The following CADPS2 variants were observed in gnomAD, a reference collection of about 807,000 sequenced individuals.
CADPS2 encodes the protein calcium-dependent secretion activator 2.
In CADPS2, 93 loss-of-function variants were observed where a neutral mutation model predicts 172.5. The observed-to-expected ratio is 0.54, with a 90% CI of 0.46 to 0.64. The LOEUF (loss-of-function observed/expected upper bound fraction) is 0.64. CADPS2 is among the 30% of genes least tolerant of loss of function. CADPS2 has a pLI of 0.00. For synonymous variants in CADPS2, 546 were observed against 555.2 expected (o/e 0.98, Z 0.23); for missense variants, 1,420 against 1,565.9 (o/e 0.91, Z 1.57).
rs2082435401 is a variant in CADPS2 at position 122,676,931 on chromosome 7, C to A, written c.454-13362G>T. The A allele has an allele frequency of 1.2e-5, 5 of 410,108 alleles. No individual in the cohort carries two copies. In the Admixed American group the frequency reaches 1.6e-4, roughly 13 times the overall value. The allele number at this position is 410,108 out of a possible 1,614,324, so 25.4% of individuals were successfully genotyped here. A position where few individuals can be genotyped will look rare whatever the true frequency, so the allele number is the denominator to read the frequency against. ...TGCCAGGCTTTTTATCCATCCAAGT[C>A]TCCCTCAACCTACCTTCTAGCCTTC... On this transcript the variant is annotated intron_variant, in intron 2 of 29. Coordinates refer to ENST00000449022, the MANE Select transcript of CADPS2 (RefSeq NM_017954.11).
chr7:122,559,259 C>T (rs116952379), intron 7 of CADPS2, among the ~76,000 whole-genome samples: 2 of 152,212 alleles, frequency 1.3e-5, no homozygotes, highest in Non-Finnish European at 2.9e-5. Flanking sequence ...AACACTGTAA[C>T]AGCGGCACCC....
At chr7:122,705,469 TTA>T (rs1168454121) in intron 2 of CADPS2, among the ~76,000 whole-genome samples, 13 of 133,542 alleles carry the variant, frequency 9.7e-5, no homozygotes, top group African/African-American at 2.5e-4. Context: ...ATATTATATA[TTA>T]TATATATTTA....
chr7:122,524,948 G>A (rs917660844), intron 8 of CADPS2, among the ~76,000 whole-genome samples: 5 of 152,008 alleles, frequency 3.3e-5, no homozygotes, highest in Admixed American at 3.3e-4. Flanking sequence ...AGGGGCTTGA[G>A]ACCAGCCTGG....
At chr7:122,438,691 C>T (rs930566522) in intron 16 of CADPS2, among the ~76,000 whole-genome samples, 32 of 152,132 alleles carry the variant, frequency 2.1e-4, no homozygotes, top group African/African-American at 7.5e-4. Flanking sequence ...TCCTCCTAAG[C>T]CTAATTTATG....
At chr7:122,335,640 G>C (rs2035747337) in intron 28 of CADPS2, among the ~76,000 whole-genome samples, 1 of 152,172 alleles carries the variant, frequency 6.6e-6, no homozygotes, top group African/African-American at 2.4e-5. Flanking sequence ...TAGAAGGCTT[G>C]AAAGAATCTT....
intron 2 of CADPS2, among the ~76,000 whole-genome samples, chr7:122,675,273 G>A (rs1474393938): frequency 1.3e-5 from 2 of 152,124 alleles, no homozygotes; most frequent in African/African-American, 4.8e-5. Flanking sequence ...GGAGCCCGGG[G>A]CTCCATTCTG....
chr7:122,861,926 A>T (rs1035584117), intron 1 of CADPS2, among the ~76,000 whole-genome samples: 1 of 152,248 alleles, frequency 6.6e-6, no homozygotes, highest in African/African-American at 2.4e-5. Context: ...CTGAGGGAGA[A>T]TGATTTCAAC....
intron 1 of CADPS2, among the ~76,000 whole-genome samples, chr7:122,789,434 G>T (rs572593790): frequency 6.6e-6 from 1 of 152,228 alleles, no homozygotes; most frequent in Admixed American, 6.5e-5. Flanking sequence ...GTCTTGCTTT[G>T]AAAAGCATTC....
intron 1 of CADPS2, among the ~76,000 whole-genome samples, chr7:122,745,589 G>C (rs1410783209): frequency 1.4e-5 from 2 of 147,254 alleles, no homozygotes; most frequent in Non-Finnish European, 3.0e-5. Flanking sequence ...TTTAGGATAA[G>C]AACTTGGTTT....
In CADPS2 at chr7:122,818,117, C is replaced by A. The variant is rs185832136; in HGVS notation, c.339+67882G>T. 8.0e-3 allele frequency among the ~76,000 whole-genome samples: 1,195 copies of A among 149,994 alleles called. 8 individuals are homozygous for A. Among genetic ancestry groups the A allele is most frequent in the Non-Finnish European group, 0.013 (877 of 67,668 alleles). On this transcript the variant is annotated intron_variant, in intron 1 of 29. Coordinates refer to ENST00000449022, the MANE Select transcript of CADPS2 (RefSeq NM_017954.11). ...TTTCTGGAAGGTAAGAACCCCCGAACCCCTTCCCTCCATTTCTCTACTCCC... is the reference window on the plus strand; with the variant it reads ...TTTCTGGAAGGTAAGAACCCCCGAAACCCTTCCCTCCATTTCTCTACTCCC...
At chr7:122,429,945 T>C (rs1249322634) in intron 17 of CADPS2, among the ~76,000 whole-genome samples, 1 of 152,104 alleles carries the variant, frequency 6.6e-6, no homozygotes, top group Non-Finnish European at 1.5e-5. Context: ...AGATTTTATT[T>C]ATTACTTATT....
intron 25 of CADPS2, 30 bp downstream of exon 25, chr7:122,379,338 A>C (rs1272510370): frequency 7.2e-7 from 1 of 1,398,392 alleles, no homozygotes; most frequent in East Asian, 2.3e-5. Context: ...TTTCACTTTG[A>C]TTTAAAAAGG....
chr7:122,668,275 T>C (rs561736581), intron 2 of CADPS2, among the ~76,000 whole-genome samples: 2 of 151,926 alleles, frequency 1.3e-5, no homozygotes, highest in South Asian at 2.1e-4. Flanking sequence ...TAGATTCCAC[T>C]AACCAAAAAT....
intron 25 of CADPS2, among the ~76,000 whole-genome samples, chr7:122,370,635 C>A (rs888372901): frequency 6.6e-6 from 1 of 152,058 alleles, no homozygotes; most frequent in Non-Finnish European, 1.5e-5. Context: ...GCACAGAGGG[C>A]ATTGGGTAAG....
Position 122,621,704 on chromosome 7 carries a change from G to A in CADPS2, c.881C>T (p.Pro294Leu), listed in dbSNP as rs769499788. ...CTCCATATCTTTTGCTATAAATTTG[G>A]GGAATTTTCTTTCCTTGAAAATAAT... ...ADKMAKERKF[P>L]KFIAKDMENM... Residue 294 changes from proline (P) to leucine (L), a missense_variant, in exon 5 of 30, where the codon CCC becomes CTC. Coordinates refer to ENST00000449022, the MANE Select transcript of CADPS2 (RefSeq NM_017954.11). 1 of 1,574,854 alleles carries A rather than the reference G, an allele frequency of 6.3e-7. No homozygotes were observed. Among genetic ancestry groups the A allele is most frequent in the Non-Finnish European group, 8.6e-7 (1 of 1,161,496 alleles).
chr7:122,498,757 T>C (rs1054761717), intron 9 of CADPS2, among the ~76,000 whole-genome samples: 1 of 152,190 alleles, frequency 6.6e-6, no homozygotes, highest in Non-Finnish European at 1.5e-5. Context: ...TTTTTTGTTA[T>C]TGTTTTTTAT....
rs577527970 is a variant in CADPS2 at position 122,693,699 on chromosome 7, T to C, written c.454-30130A>G. ...GGCTGGGCGTAGTGGCTCGTGCCTA[T>C]AAACCTAGCACTTTGGGAGGCTGAG... On this transcript the variant is annotated intron_variant, in intron 2 of 29. Transcript: ENST00000449022. Among the ~76,000 whole-genome samples the C allele has an allele frequency of 3.9e-5, 6 of 152,316 alleles. No individual in the cohort carries two copies. The South Asian group carries it at 1.0e-3, about 26-fold the overall frequency.
chr7:122,853,435 G>A (rs1356553999), intron 1 of CADPS2, among the ~76,000 whole-genome samples: 1 of 152,164 alleles, frequency 6.6e-6, no homozygotes, highest in African/African-American at 2.4e-5. Context: ...CTCCCTTGTT[G>A]GCTCTGATAA....
intron 1 of CADPS2, among the ~76,000 whole-genome samples, chr7:122,760,633 T>C (rs1289768249): frequency 2.0e-5 from 3 of 151,848 alleles, no homozygotes; most frequent in Middle Eastern, 3.4e-3. Context: ...TATGCAGCCA[T>C]AAAAAATGAT....
Sources: gnomAD v4.1 joint callset for allele counts (sites outside exome capture counted in the v4.1 genomes callset) on GRCh38, gnomAD v4.1.1 for gene constraint, MANE v1.5 for transcripts, NCBI Gene and HGNC (gene_info 2026-07-23, HGNC 2026-07-21) for gene names.